The following POLR3H variants were observed in gnomAD, a reference collection of about 807,000 sequenced individuals.
POLR3H encodes the protein RNA polymerase III subunit H, also known as DNA-directed RNA polymerase III subunit RPC8.
Under a neutral mutation model 25.5 loss-of-function variants are expected in POLR3H, and 17 were observed. The ratio of observed to expected loss-of-function variants is 0.67; its 90% confidence interval spans 0.46 to 1.00. POLR3H has a LOEUF of 1.00. Ranked by LOEUF, POLR3H falls within the 50% of genes least tolerant of loss-of-function variation. POLR3H has a pLI of 0.00. For synonymous variants in POLR3H, 129 were observed against 103.0 expected (o/e 1.25, Z -1.53); for missense variants, 274 against 265.0 (o/e 1.03, Z -0.24).
Position 41,528,532 on chromosome 22 carries a change from G to A in POLR3H, c.*751C>T, listed in dbSNP as rs144054414. On this transcript the variant is annotated 3_prime_UTR_variant, in exon 6 of 6. Coordinates refer to ENST00000355209, the MANE Select transcript of POLR3H (RefSeq NM_001018050.4). ...ACGGGACCCAGGAGACCATCCTCCT[G>A]AACCACACCTTCAACGAGACGCAGA... 1.2e-6 allele frequency: 2 copies of A among 1,613,078 alleles called. No homozygotes were observed.
rs1451460551 is a variant in POLR3H, at chr22:41,530,793, A to G, written c.455T>C (p.Val152Ala). The G allele has an allele frequency of 3.7e-6, 6 of 1,613,794 alleles. No individual in the cohort carries two copies. The highest frequency in any genetic ancestry group is 3.4e-6 in the Non-Finnish European group (4 of 1,180,020). Residue 152 changes from valine to alanine, a missense_variant, in exon 5 of 6, where the codon GTG becomes GCG. Physicochemically the swap from Val to Ala is moderately conservative, Grantham distance 64. Transcript: ENST00000355209. ...MDTGEEIRFR[V>A]VDESFVDTSP... is the part of the protein sequence containing the mutation. ...CGTGTCAACAAAGCTCTCGTCCACC[A>G]CCCGGAAGCGGATCTCCTCGCCGGT...
rs1474191289 is a variant in POLR3H at position 41,528,594 on chromosome 22, T to A, written c.*689A>T. On this transcript the variant is annotated 3_prime_UTR_variant, in exon 6 of 6. Transcript: ENST00000355209. ...CGCGCTGGCAGTGCCCTCAACAGAA[T>A]GAAGGAACTGCAACAGTGAGGGCAG... The A allele has an allele frequency of 6.2e-7, 1 of 1,611,570 alleles. No individual in the cohort carries two copies. Among genetic ancestry groups the A allele is most frequent in the East Asian group, 2.2e-5 (1 of 44,864 alleles).
At position 41,526,554 on chromosome 22, in the gene POLR3H, GCCGA is replaced by G; in HGVS notation, c.*2725_*2728del. ...TAGGGGAGTGGAAACTGGGAAGGAG[GCCGA>G]CCAAGCCCAAAGGGGACTGCTGTGG... On this transcript the variant is annotated 3_prime_UTR_variant, in exon 6 of 6. Coordinates refer to ENST00000355209, the MANE Select transcript of POLR3H (RefSeq NM_001018050.4). The G allele has an allele frequency of 7.5e-6, 10 of 1,335,176 alleles. No homozygotes were observed. The highest frequency in any genetic ancestry group is 1.0e-5 in the Non-Finnish European group (10 of 982,820). The allele number at this position is 1,335,176 out of a possible 1,614,324, so 82.7% of individuals were successfully genotyped here.
chr22:41,526,353 T>C lies in POLR3H; in HGVS notation c.*2930A>G. 1 of 1,613,568 alleles carries C rather than the reference T, an allele frequency of 6.2e-7. No individual in the cohort carries two copies. The highest frequency in any genetic ancestry group is 8.5e-7 in the Non-Finnish European group (1 of 1,180,030). On this transcript the variant is annotated 3_prime_UTR_variant, in exon 6 of 6. Coordinates refer to ENST00000355209, the MANE Select transcript of POLR3H (RefSeq NM_001018050.4). ...TTGGATAACATCTCCAACAACCTGC[T>C]CATTGGTGCCATCAACATTGAAAAC...
intron 2 of POLR3H, among the ~76,000 whole-genome samples, chr22:41,538,175 C>T (rs1425932219): frequency 1.3e-5 from 2 of 150,394 alleles, no homozygotes; most frequent in Non-Finnish European, 3.0e-5. Context: ...ACTCTGTTGC[C>T]CAGGCTGGAG....
At chr22:41,535,621 G>A (rs2066829051) in intron 2 of POLR3H, among the ~76,000 whole-genome samples, 1 of 152,102 alleles carries the variant, frequency 6.6e-6, no homozygotes, top group African/African-American at 2.4e-5. Flanking sequence ...GAAGCCAGGA[G>A]TTTGAGACCA....
At chr22:41,535,909 G>A (rs2066833652) in intron 2 of POLR3H, among the ~76,000 whole-genome samples, 1 of 152,084 alleles carries the variant, frequency 6.6e-6, no homozygotes, top group Non-Finnish European at 1.5e-5. Flanking sequence ...GGCAGAGGTT[G>A]CAGTGAGCCG....
At chr22:41,530,456 T>G (rs1173151640) in intron 5 of POLR3H, among the ~76,000 whole-genome samples, 1 of 152,152 alleles carries the variant, frequency 6.6e-6, no homozygotes, top group East Asian at 1.9e-4. Flanking sequence ...TCTGTCCCCT[T>G]TGCAAGCTGA....
At chr22:41,532,843 G>T in intron 2 of POLR3H, 98 bp from the exon 3 acceptor site, 1 of 1,290,660 alleles carries the variant, frequency 7.7e-7, no homozygotes, top group Non-Finnish European at 1.1e-6. Context: ...CTGTGTGGCT[G>T]CTCCATGCCA....
intron 2 of POLR3H, among the ~76,000 whole-genome samples, chr22:41,537,589 C>G (rs1336969818): frequency 1.3e-5 from 2 of 152,168 alleles, no homozygotes; most frequent in Non-Finnish European, 2.9e-5. Flanking sequence ...AGGGTTAACC[C>G]CATTGTACAG....
intron 2 of POLR3H, among the ~76,000 whole-genome samples, chr22:41,538,112 T>G (rs1360186013): frequency 6.6e-6 from 1 of 150,650 alleles, no homozygotes; most frequent in Non-Finnish European, 1.5e-5. Context: ...ATTACAGACA[T>G]GTGCCACCAC....
chr22:41,533,388 G>C (rs2066781480), intron 2 of POLR3H: 2 of 610,126 alleles, frequency 3.3e-6, no homozygotes, highest in Non-Finnish European at 4.6e-6. Context: ...GCTGACCTGA[G>C]AATCAGCACG....
intron 3 of POLR3H, among the ~76,000 whole-genome samples, 176 bp from the exon 4 acceptor site, chr22:41,532,333 C>T (rs1473466885): frequency 2.6e-5 from 4 of 151,258 alleles, no homozygotes; most frequent in South Asian, 2.1e-4. Flanking sequence ...ACCCACATAG[C>T]GGAGCAGCCC....
At chr22:41,541,560 G>A (rs1048097251) in intron 1 of POLR3H, among the ~76,000 whole-genome samples, 7 of 152,170 alleles carry the variant, frequency 4.6e-5, no homozygotes, top group Non-Finnish European at 8.8e-5. Flanking sequence ...ACTCAGAGTC[G>A]TGGCCAGACC....
intron 5 of POLR3H, 31 bp downstream of exon 5, chr22:41,530,656 T>C (rs2066709334): frequency 4.4e-6 from 7 of 1,588,032 alleles, no homozygotes; most frequent in Non-Finnish European, 5.2e-6. Context: ...TCCCGCCTCA[T>C]GGGGGCTTCA....
intron 2 of POLR3H, chr22:41,533,610 G>A (rs921593299): frequency 2.3e-5 from 30 of 1,301,782 alleles, no homozygotes; most frequent in Admixed American, 9.3e-5. Context: ...CCATTTAGTC[G>A]GCCAACATGC....
At position 41,528,356 on chromosome 22, in the gene POLR3H, AG is replaced by A; in HGVS notation, c.*926del. On this transcript the variant is annotated 3_prime_UTR_variant, in exon 6 of 6. Transcript: ENST00000355209. ...TGGGCCATCAGGCACAGACTGGCCT[AG>A]GATTTGGTTTGCCTGCTGACCTCTT... 7.2e-7 allele frequency: 1 copy of A among 1,385,874 alleles called. No individual in the cohort carries two copies. The highest frequency in any genetic ancestry group is 9.7e-7 in the Non-Finnish European group (1 of 1,030,196). 85.8% of individuals were successfully genotyped at this position (1,385,874 alleles called of 1,614,324 possible). A position where few individuals can be genotyped will look rare whatever the true frequency, so the allele number is the denominator to read the frequency against.
rs2066620411 is a variant in POLR3H, at chr22:41,527,266, C to CT, written c.*2016dup. ...ACGGTGCCCTCCTCTGCCTTATAAC[C>CT]TTACCCCCGCTTGCCTGACAGAAAC... On this transcript the variant is annotated 3_prime_UTR_variant, in exon 6 of 6. Transcript: ENST00000355209. 5.0e-6 allele frequency: 8 copies of CT among 1,614,110 alleles called. No individual in the cohort carries two copies. Among genetic ancestry groups the CT allele is most frequent in the Non-Finnish European group, 6.8e-6 (8 of 1,179,986 alleles).
At position 41,527,477 on chromosome 22, in the gene POLR3H, C is replaced by T. The variant is rs2146150651; in HGVS notation, c.*1806G>A. ...ATCCCATCCCTAGTGATCAAGGTCA[C>T]TCTCCCTGCCCGTGGCTGAGTTGGG... On this transcript the variant is annotated 3_prime_UTR_variant, in exon 6 of 6. Transcript: ENST00000355209. The T allele has an allele frequency of 1.3e-6, 2 of 1,552,970 alleles. No individual in the cohort carries two copies. Among genetic ancestry groups the T allele is most frequent in the East Asian group, 2.3e-5 (1 of 44,370 alleles).
Sources: allele counts gnomAD v4.1 joint callset (sites outside exome capture counted in the v4.1 genomes callset), GRCh38; gene constraint gnomAD v4.1.1; transcripts MANE v1.5; gene names NCBI Gene and HGNC (gene_info 2026-07-23, HGNC 2026-07-21).